The following LMX1B variants were observed in gnomAD, a reference collection of about 807,000 sequenced individuals.
LMX1B encodes LIM homeobox transcription factor 1-beta.
In LMX1B, 12 loss-of-function variants were observed where a neutral mutation model predicts 51.4. The observed-to-expected ratio is 0.23, with a 90% CI of 0.15 to 0.38. The LOEUF (loss-of-function observed/expected upper bound fraction) is 0.38. Among genes scored for constraint, LMX1B ranks in the 10% least tolerant of loss-of-function variants. The pLI is 1.00. For synonymous variants in LMX1B, 237 were observed against 235.4 expected, an observed-to-expected ratio of 1.01 and a Z score of -0.06; for missense variants, 445 against 571.1, an observed-to-expected ratio of 0.78 and a Z score of 2.25.
intron 3 of LMX1B, among the ~76,000 whole-genome samples, chr9:126,691,540 G>A (rs2030132124): frequency 6.6e-6 from 1 of 152,166 alleles, no homozygotes; most frequent in African/African-American, 2.4e-5. Context: ...GCACATATAT[G>A]TTTGTCCACA....
At chr9:126,662,770 G>A (rs1160384363) in intron 2 of LMX1B, among the ~76,000 whole-genome samples, 3 of 152,234 alleles carry the variant, frequency 2.0e-5, no homozygotes, top group Admixed American at 6.5e-5. Flanking sequence ...CACCGCTGCC[G>A]GGATTCAAGA....
intron 2 of LMX1B, among the ~76,000 whole-genome samples, chr9:126,636,333 C>A (rs1835712800): frequency 1.3e-5 from 2 of 151,990 alleles, no homozygotes; most frequent in African/African-American, 4.8e-5. Flanking sequence ...GGAGGGAGAG[C>A]TGTTGAAGCT....
intron 2 of LMX1B, among the ~76,000 whole-genome samples, chr9:126,682,991 C>T: frequency 6.6e-6 from 1 of 151,616 alleles, no homozygotes; most frequent in East Asian, 1.9e-4. Context: ...GGATGGCTCC[C>T]CGGGCTCCCG....
intron 2 of LMX1B, among the ~76,000 whole-genome samples, chr9:126,686,342 A>G (rs2029883084): frequency 6.6e-6 from 1 of 152,166 alleles, no homozygotes; most frequent in Non-Finnish European, 1.5e-5. Flanking sequence ...TCCTGAAAAA[A>G]TTGGCTTTCA....
intron 2 of LMX1B, among the ~76,000 whole-genome samples, chr9:126,676,571 C>A (rs998619613): frequency 6.6e-6 from 1 of 152,218 alleles, no homozygotes; most frequent in Admixed American, 6.5e-5. Context: ...GGACAGTATT[C>A]CAAGTAGAGC....
chr9:126,661,923 T>C (rs1836254640), intron 2 of LMX1B, among the ~76,000 whole-genome samples: 1 of 152,200 alleles, frequency 6.6e-6, no homozygotes, highest in Non-Finnish European at 1.5e-5. Flanking sequence ...CAGCTGGTGC[T>C]TCCAGGGAAA....
rs921027958 is a variant in LMX1B, at chr9:126,699,862, A to G, written c.*3411A>G. 2.0e-4 allele frequency: 30 copies of G among 152,328 alleles called. No homozygotes were observed. The highest frequency in any genetic ancestry group is 7.0e-4 in the African/African-American group (29 of 41,438). 9.4% of individuals were successfully genotyped at this position (152,328 alleles called of 1,614,324 possible). A position where few individuals can be genotyped will look rare whatever the true frequency, so the allele number is the denominator to read the frequency against. On this transcript the variant is annotated 3_prime_UTR_variant, in exon 8 of 8. Transcript: ENST00000373474. ...CTTGGCTGGGAGCTGGGCGGGGAGT[A>G]GCCAGGACCACCCCTTGCCCGTGCC... is the stretch of plus-strand genomic sequence containing the variant.
chr9:126,636,544 A>T lies in LMX1B; in HGVS notation c.326+20975A>T, dbSNP rs116598309. Among the ~76,000 whole-genome samples, 370 of 151,982 alleles carry T rather than the reference A, an allele frequency of 2.4e-3. 2 individuals are homozygous for T. The highest frequency in any genetic ancestry group is 8.6e-3 in the African/African-American group (356 of 41,482). On this transcript the variant is annotated intron_variant, in intron 2 of 7. Transcript: ENST00000373474. ...GTCATGTCAGATTTGAGGTTACAAC[A>T]TGCACTCTGGCTGCTGTGTGGATTG...
At chr9:126,672,425 A>G (rs1394595853) in intron 2 of LMX1B, among the ~76,000 whole-genome samples, 1 of 152,188 alleles carries the variant, frequency 6.6e-6, no homozygotes, top group African/African-American at 2.4e-5. Context: ...AGCACATGTG[A>G]GAGTGATTAG....
intron 2 of LMX1B, among the ~76,000 whole-genome samples, chr9:126,642,160 C>T (rs936485104): frequency 6.6e-6 from 1 of 152,186 alleles, no homozygotes; most frequent in Non-Finnish European, 1.5e-5. Context: ...CTGTCCTGCT[C>T]GCAGTCTGCC....
Position 126,615,665 on chromosome 9 carries a change from T to C in LMX1B, c.326+96T>C. On this transcript the variant is annotated intron_variant, in intron 2 of 7. Transcript: ENST00000373474. This position sits in a 1 kb window ranked among gnomAD's most constrained non-coding sequence, Gnocchi z 6.0. ...GGCCCGCGCCCGCTCTGCCGCCGGCTCTGTGCGCGGCTGGGCCGGGCAGCT... is the reference window on the plus strand; with the variant it reads ...GGCCCGCGCCCGCTCTGCCGCCGGCCCTGTGCGCGGCTGGGCCGGGCAGCT... 8.4e-7 allele frequency: 1 copy of C among 1,188,590 alleles called. No individual in the cohort carries two copies. The highest frequency in any genetic ancestry group is 1.5e-5 in the South Asian group (1 of 67,810). The allele number at this position is 1,188,590 out of a possible 1,614,324, so 73.6% of individuals were successfully genotyped here. A position where few individuals can be genotyped will look rare whatever the true frequency, so the allele number is the denominator to read the frequency against.
chr9:126,693,175 C>T lies in LMX1B; in HGVS notation c.593C>T (p.Pro198Leu), dbSNP rs761733068. The T allele has an allele frequency of 5.6e-6, 9 of 1,598,182 alleles. No homozygotes were observed. Among genetic ancestry groups the T allele is most frequent in the Non-Finnish European group, 5.1e-6 (6 of 1,172,986 alleles). The change falls in exon 4 of 8, where the codon CCG becomes CTG. Residue 198 changes from proline (P) to leucine (L), a missense_variant. By Grantham distance (98) the Pro-to-Leu change is moderately conservative. Coordinates refer to ENST00000373474, the MANE Select transcript of LMX1B (RefSeq NM_001174147.2). ...KSEDEDGDMKPAKGQGSQSKG... is the reference protein window; with the variant it reads ...KSEDEDGDMKLAKGQGSQSKG... ...GAGGATGAAGATGGGGACATGAAGC[C>T]GGCCAAGGGGCAGGGCAGTCAGAGC...
At chr9:126,654,078 T>C (rs1836068263) in intron 2 of LMX1B, among the ~76,000 whole-genome samples, 1 of 152,218 alleles carries the variant, frequency 6.6e-6, no homozygotes, top group Non-Finnish European at 1.5e-5. Context: ...ATGTGGAATA[T>C]GCCGCTGCTG....
At chr9:126,694,193 C>T (rs892072042) in intron 6 of LMX1B, among the ~76,000 whole-genome samples, 7 of 152,148 alleles carry the variant, frequency 4.6e-5, no homozygotes, top group African/African-American at 1.4e-4. Context: ...CGTGCAGACA[C>T]GGGTCTCAGC....
chr9:126,622,533 C>T (rs1239321716), intron 2 of LMX1B, among the ~76,000 whole-genome samples: 1 of 152,202 alleles, frequency 6.6e-6, no homozygotes, highest in African/African-American at 2.4e-5. Context: ...ACTTCAGCAG[C>T]GGTGACGGGA....
At chr9:126,627,322 G>C (rs1370838435) in intron 2 of LMX1B, among the ~76,000 whole-genome samples, 1 of 152,090 alleles carries the variant, frequency 6.6e-6, no homozygotes, top group African/African-American at 2.4e-5. Flanking sequence ...CCTGCCCTCA[G>C]CCTGCTTGCT....
intron 2 of LMX1B, among the ~76,000 whole-genome samples, chr9:126,639,641 C>G (rs1835773420): frequency 6.6e-6 from 1 of 152,204 alleles, no homozygotes; most frequent in Non-Finnish European, 1.5e-5. Context: ...CCCTTCCCAC[C>G]AACCTCAGCT....
chr9:126,664,568 C>T (rs1836306777), intron 2 of LMX1B, among the ~76,000 whole-genome samples: 1 of 152,216 alleles, frequency 6.6e-6, no homozygotes, highest in Non-Finnish European at 1.5e-5. Flanking sequence ...ATGGCCCGTA[C>T]TAGGTACTTA....
At chr9:126,614,890 C>T (rs558585217) in intron 1 of LMX1B, among the ~76,000 whole-genome samples, 67 of 152,230 alleles carry the variant, frequency 4.4e-4, no homozygotes, top group Middle Eastern at 3.4e-3. Context: ...CTAGCAATCA[C>T]CTTGGCGAGC....
Sources: allele counts gnomAD v4.1 joint callset (sites outside exome capture counted in the v4.1 genomes callset), GRCh38; gene constraint gnomAD v4.1.1; non-coding constraint Gnocchi (gnomAD v3.1); transcripts MANE v1.5; gene names NCBI Gene and HGNC (gene_info 2026-07-23, HGNC 2026-07-21).